ALK: variants seen among roughly 807,000 people sequenced by gnomAD.
ALK encodes ALK tyrosine kinase receptor.
ALK carries 74 observed loss-of-function variants against 163.1 expected under a neutral mutation model. The observed-to-expected ratio is 0.45, with a 90% CI of 0.38 to 0.55. ALK has a LOEUF of 0.55. Ranked by LOEUF, ALK falls within the 20% of genes least tolerant of loss-of-function variation. The pLI is 0.00. For synonymous variants in ALK, 960 were observed against 843.2 expected, an observed-to-expected ratio of 1.14 and a Z score of -2.40; for missense variants, 2,063 against 2,105.3, an observed-to-expected ratio of 0.98 and a Z score of 0.39.
chr2:29,617,323 G>A (rs1675873982), intron 3 of ALK, among the ~76,000 whole-genome samples: 1 of 152,190 alleles, frequency 6.6e-6, no homozygotes, highest in South Asian at 2.1e-4. Context: ...CAAAGCATCA[G>A]GAATCATTTA....
intron 4 of ALK, among the ~76,000 whole-genome samples, chr2:29,472,261 T>G (rs1671364635): frequency 6.6e-6 from 1 of 152,228 alleles, no homozygotes; most frequent in South Asian, 2.1e-4. Flanking sequence ...TGTCCTCAAC[T>G]TCAAGTCTTC....
Position 29,826,778 on chromosome 2 carries a change from C to G in ALK, c.667+93215G>C, listed in dbSNP as rs150221985. ...CTTCCTTGGGGCCCCCAGGCATTGG[C>G]TGAGTACTAAAAAGAGAGCATCATG... On this transcript the variant is annotated intron_variant, in intron 1 of 28. Coordinates refer to ENST00000389048, the MANE Select transcript of ALK (RefSeq NM_004304.5). Among the ~76,000 whole-genome samples, 287 of 152,272 alleles carry G rather than the reference C, an allele frequency of 1.9e-3. 2 individuals are homozygous for G. The highest frequency in any genetic ancestry group is 6.6e-3 in the African/African-American group (276 of 41,538).
At chr2:29,288,958 ATAAAT>A (rs1257718389) in intron 9 of ALK, among the ~76,000 whole-genome samples, 2,203 of 112,904 alleles carry the variant, frequency 0.02, 305 homozygotes, top group South Asian at 0.045. Context: ...TCTCAAAAAA[ATAAAT>A]AAATAAATAA....
intron 8 of ALK, among the ~76,000 whole-genome samples, chr2:29,316,708 A>G (rs1190197187): frequency 6.6e-6 from 1 of 152,238 alleles, no homozygotes; most frequent in Admixed American, 6.5e-5. Flanking sequence ...CCTGAGAAAT[A>G]TCAGCAATGA....
At chr2:29,716,787 A>G (rs1679268415) in intron 2 of ALK, among the ~76,000 whole-genome samples, 1 of 151,982 alleles carries the variant, frequency 6.6e-6, no homozygotes, top group South Asian at 2.1e-4. Flanking sequence ...AACTTTAAGG[A>G]GCTTCTTAAC....
chr2:29,597,004 G>A (rs916439658), intron 3 of ALK, among the ~76,000 whole-genome samples: 2 of 152,172 alleles, frequency 1.3e-5, no homozygotes, highest in Non-Finnish European at 2.9e-5. Flanking sequence ...CGGCTGCTGG[G>A]TCTTTAGTTG....
rs530172156 is a variant in ALK at position 29,453,939 on chromosome 2, TAATTC to T, written c.1155-70085_1155-70081del. Among the ~76,000 whole-genome samples the T allele has an allele frequency of 1.2e-3, 184 of 152,324 alleles. 1 individual carries two copies. Among genetic ancestry groups the T allele is most frequent in the African/African-American group, 4.1e-3 (169 of 41,578 alleles). On this transcript the variant is annotated intron_variant, in intron 4 of 28. Coordinates refer to ENST00000389048, the MANE Select transcript of ALK (RefSeq NM_004304.5). ...TCTAGATGTTTGATTGAGTTCAATTTAATTCAAGTAGTTAATAACTTGGATTAAAT... is the reference window on the plus strand; with the variant it reads ...TCTAGATGTTTGATTGAGTTCAATTTAAGTAGTTAATAACTTGGATTAAAT...
rs1485515006 is a variant in ALK at position 29,920,203 on chromosome 2, C to A, written c.457G>T (p.Gly153Cys). ...LELGEEAILE[G>C]CVGPPGEAAV... ...GCCTCCCCGGGGGGCCCGACGCAAC[C>A]CTCCAAGATCGCCTCCTCGCCCAGC... The change falls in exon 1 of 29, where the codon GGT becomes TGT. Residue 153 changes from glycine to cysteine, a missense_variant. Around this residue, in one of 5 missense-constraint regions of ALK, gnomAD observed 987 missense variants for 939.5 expected, o/e 1.05. Coordinates refer to ENST00000389048, the MANE Select transcript of ALK (RefSeq NM_004304.5). 6.2e-7 allele frequency: 1 copy of A among 1,613,304 alleles called. No individual in the cohort carries two copies. Among genetic ancestry groups the A allele is most frequent in the Non-Finnish European group, 8.5e-7 (1 of 1,180,014 alleles).
At chr2:29,917,851 A>G (rs1334565271) in intron 1 of ALK, among the ~76,000 whole-genome samples, 2 of 152,066 alleles carry the variant, frequency 1.3e-5, no homozygotes, top group African/African-American at 4.8e-5. Flanking sequence ...GCTTGGCCAA[A>G]TTTTCTTGCC....
chr2:29,523,006 G>A (rs1672855011), intron 4 of ALK, among the ~76,000 whole-genome samples: 1 of 152,154 alleles, frequency 6.6e-6, no homozygotes, highest in African/African-American at 2.4e-5. Flanking sequence ...TAGGGATGAG[G>A]CTTTGCTGTC....
At chr2:29,418,114 C>T (rs1440102330) in intron 4 of ALK, among the ~76,000 whole-genome samples, 7 of 152,160 alleles carry the variant, frequency 4.6e-5, no homozygotes, top group South Asian at 4.1e-4. Context: ...GGATTCGATT[C>T]GTCCTTTAAC....
At chr2:29,613,253 TG>T (rs1390932609) in intron 3 of ALK, among the ~76,000 whole-genome samples, 4 of 152,268 alleles carry the variant, frequency 2.6e-5, no homozygotes, top group African/African-American at 7.2e-5. Context: ...CTAAATTTAG[TG>T]CTCAACTGCA....
chr2:29,224,057 T>C (rs1339548918), intron 19 of ALK, among the ~76,000 whole-genome samples: 1 of 152,198 alleles, frequency 6.6e-6, no homozygotes, highest in Non-Finnish European at 1.5e-5. Context: ...AGGAGTCCCA[T>C]GACTCCCAGG....
chr2:29,618,541 G>A (rs1675925814), intron 3 of ALK, among the ~76,000 whole-genome samples: 2 of 151,698 alleles, frequency 1.3e-5, no homozygotes, highest in South Asian at 4.2e-4. Context: ...TCCCCTCCCT[G>A]TGCTCCCAAC....
intron 26 of ALK, among the ~76,000 whole-genome samples, chr2:29,205,466 A>T (rs1010969301): frequency 6.6e-6 from 1 of 152,172 alleles, no homozygotes; most frequent in African/African-American, 2.4e-5. Flanking sequence ...TTAAAACAAC[A>T]TAAGTTCATT....
At chr2:29,456,461 A>C (rs192622861) in intron 4 of ALK, among the ~76,000 whole-genome samples, 151 of 152,324 alleles carry the variant, frequency 9.9e-4, no homozygotes, top group African/African-American at 3.1e-3. Flanking sequence ...AGCCAGTCAC[A>C]AAAAGACAAA....
intron 3 of ALK, among the ~76,000 whole-genome samples, chr2:29,544,749 C>A (rs1384498943): frequency 6.6e-6 from 1 of 152,014 alleles, no homozygotes. Context: ...CTCCTGGAAA[C>A]CTCCTCTGAG....
At chr2:29,477,079 G>A (rs1671544086) in intron 4 of ALK, among the ~76,000 whole-genome samples, 1 of 152,190 alleles carries the variant, frequency 6.6e-6, no homozygotes, top group Non-Finnish European at 1.5e-5. Context: ...AGGCTGTGGT[G>A]TGCAAAGGAA....
At chr2:29,732,128 C>T (rs189270284) in intron 1 of ALK, among the ~76,000 whole-genome samples, 44 of 152,312 alleles carry the variant, frequency 2.9e-4, no homozygotes, top group Non-Finnish European at 5.6e-4. Context: ...AGGGAGAAAA[C>T]AATAAATCAT....
Sources: gnomAD v4.1 joint callset for allele counts (sites outside exome capture counted in the v4.1 genomes callset) on GRCh38, gnomAD v4.1.1 for gene constraint, gnomAD v4.1.1 regional missense constraint, MANE v1.5 for transcripts, NCBI Gene and HGNC (gene_info 2026-07-23, HGNC 2026-07-21) for gene names.